The following DSG3 variants were observed in gnomAD, a reference collection of about 807,000 sequenced individuals.
DSG3 encodes desmoglein 3, also known as desmoglein-3.
Under a neutral mutation model 85.9 loss-of-function variants are expected in DSG3, and 63 were observed. That is an observed-to-expected ratio of 0.73 (90% CI 0.60 to 0.90). The LOEUF is 0.90. DSG3 is among the 40% of genes least tolerant of loss of function. DSG3 has a pLI of 0.00. For missense variants in DSG3, 1,220 were observed against 1,219.9 expected, an observed-to-expected ratio of 1.00 and a Z score of 0.00; for synonymous variants, 447 against 441.9, an observed-to-expected ratio of 1.01 and a Z score of -0.14.
intron 8 of DSG3, among the ~76,000 whole-genome samples, chr18:31,462,265 T>C (rs1443632923): frequency 6.6e-6 from 1 of 152,054 alleles, no homozygotes; most frequent in Non-Finnish European, 1.5e-5. Flanking sequence ...AGAAATAAGG[T>C]TTCACCATAT....
At position 31,477,993 on chromosome 18, in the gene DSG3, T is replaced by A. The variant is rs2072899728; in HGVS notation, c.*1733T>A. On this transcript the variant is annotated 3_prime_UTR_variant, in exon 16 of 16. Transcript: ENST00000257189. The stretch of plus-strand genomic sequence containing the variant: ...AGGGTGTGGTCCTGAAGGAAAGAGG[T>A]CCCCTAAATATCCCCCACCCTGGTG... 6.6e-6 allele frequency: 1 copy of A among 152,140 alleles called. No individual in the cohort carries two copies. The highest frequency in any genetic ancestry group is 6.6e-5 in the Admixed American group (1 of 15,254). The allele number at this position is 152,140 out of a possible 1,614,324, so 9.4% of individuals were successfully genotyped here.
intron 3 of DSG3, among the ~76,000 whole-genome samples, chr18:31,457,585 C>CTTCTTTCTTTCTTTCTTTCT (rs11369657): frequency 8.2e-5 from 5 of 61,184 alleles, no homozygotes; most frequent in African/African-American, 2.6e-4. Flanking sequence ...TTCTTTCTTT[C>CTTCTTTCTTTCTTTCTTTCT]TTCTTTCTTT....
chr18:31,448,029 G>A (rs1399192109), intron 1 of DSG3, 104 bp downstream of exon 1: 2 of 825,082 alleles, frequency 2.4e-6, no homozygotes, highest in African/African-American at 1.8e-5. Context: ...TCTAAAAGGA[G>A]TGCAGTGGAA....
chr18:31,448,473 T>A (rs571864902), intron 1 of DSG3, among the ~76,000 whole-genome samples: 23 of 152,232 alleles, frequency 1.5e-4, no homozygotes, highest in Non-Finnish European at 2.1e-4. Context: ...AAAGAAAATG[T>A]CAGCCTTTGG....
At chr18:31,457,208 C>A in intron 3 of DSG3, 84 bp downstream of exon 3, 1 of 1,404,300 alleles carries the variant, frequency 7.1e-7, no homozygotes, top group Non-Finnish European at 9.5e-7. Flanking sequence ...TTCCAAATAA[C>A]AAAATGAAGA....
chr18:31,464,093 A>C lies in DSG3; in HGVS notation c.1000-18A>C. 6.2e-7 allele frequency: 1 copy of C among 1,602,426 alleles called. No individual in the cohort carries two copies. Among genetic ancestry groups the C allele is most frequent in the Non-Finnish European group, 8.5e-7 (1 of 1,173,338 alleles). On this transcript the variant is annotated intron_variant, in intron 8 of 15. Coordinates refer to ENST00000257189, the MANE Select transcript of DSG3 (RefSeq NM_001944.3). ...TGTATTTTTGTGAAACTGCCTTCTAATTTTATTTTTTCTCCAGGCTCTAGA... is the reference window on the plus strand; with the variant it reads ...TGTATTTTTGTGAAACTGCCTTCTACTTTTATTTTTTCTCCAGGCTCTAGA...
intron 11 of DSG3, among the ~76,000 whole-genome samples, chr18:31,468,269 A>G (rs2072834122): frequency 6.6e-6 from 1 of 152,248 alleles, no homozygotes; most frequent in Non-Finnish European, 1.5e-5. Context: ...AACCAGGAAG[A>G]GCACTTGAGG....
rs1568093530 is a variant in DSG3 at position 31,477,614 on chromosome 18, G to GCTA, written c.*1356_*1358dup. 6.6e-6 allele frequency: 1 copy of GCTA among 152,186 alleles called. No individual in the cohort carries two copies. Among genetic ancestry groups the GCTA allele is most frequent in the Non-Finnish European group, 1.5e-5 (1 of 68,030 alleles). The allele number at this position is 152,186 out of a possible 1,614,324, so 9.4% of individuals were successfully genotyped here. A position where few individuals can be genotyped will look rare whatever the true frequency, so the allele number is the denominator to read the frequency against. On this transcript the variant is annotated 3_prime_UTR_variant, in exon 16 of 16. Coordinates refer to ENST00000257189, the MANE Select transcript of DSG3 (RefSeq NM_001944.3). ...TTAAGCCTTGCTTTTAAATTAAACA[G>GCTA]CTACAGCCATTTAAGCCTTGAGGAT...
intron 1 of DSG3, among the ~76,000 whole-genome samples, chr18:31,451,278 A>G (rs760303659): frequency 6.6e-6 from 1 of 152,236 alleles, no homozygotes; most frequent in Non-Finnish European, 1.5e-5. Flanking sequence ...CAACACTGCT[A>G]TGAGCATTTG....
At chr18:31,475,583 T>G in intron 15 of DSG3, 63 bp from the exon 16 acceptor site, 1 of 1,559,004 alleles carries the variant, frequency 6.4e-7, no homozygotes. Context: ...CTACAAACAG[T>G]ATTATATTGT....
intron 1 of DSG3, among the ~76,000 whole-genome samples, chr18:31,449,306 C>A (rs2072697126): frequency 6.6e-6 from 1 of 152,134 alleles, no homozygotes; most frequent in African/African-American, 2.4e-5. Flanking sequence ...ACTTTCCCAC[C>A]TTTCCAGATG....
chr18:31,464,783 T>C (rs114952455), intron 9 of DSG3, among the ~76,000 whole-genome samples: 2 of 152,312 alleles, frequency 1.3e-5, no homozygotes, highest in African/African-American at 4.8e-5. Flanking sequence ...AATTGCTATA[T>C]TATACAGAGC....
intron 8 of DSG3, 56 bp downstream of exon 8, chr18:31,461,468 CATTTCTACAGATAAAATGTATTT>C: frequency 5.1e-6 from 7 of 1,359,494 alleles, no homozygotes; most frequent in Non-Finnish European, 7.2e-6. Context: ...CCAAAATGAT[CATTTCTACAGATAAAATGTATTT>C]ATTTGTTAAT....
intron 1 of DSG3, among the ~76,000 whole-genome samples, chr18:31,449,406 G>A (rs1221734757): frequency 2.0e-5 from 3 of 152,140 alleles, no homozygotes; most frequent in Non-Finnish European, 4.4e-5. Flanking sequence ...CATGCAGCAT[G>A]GGCTGTCGGG....
At position 31,466,576 on chromosome 18, in the gene DSG3, C is replaced by T. The variant is rs1180392111; in HGVS notation, c.1458C>T (p.Pro486=). The change falls in exon 11 of 16, where the codon CCC becomes CCT. Residue 486 remains proline, a synonymous_variant. Transcript: ENST00000257189. ...CAGGCACGGTATATGTTAGAGTACCCGATTTCAATGACAATTGTCCAACAG... is the reference window on the plus strand; with the variant it reads ...CAGGCACGGTATATGTTAGAGTACCTGATTTCAATGACAATTGTCCAACAG... ...TSTGTVYVRV[P]DFNDNCPTAV... The T allele has an allele frequency of 5.0e-6, 8 of 1,614,050 alleles. No homozygotes were observed. Among genetic ancestry groups the T allele is most frequent in the South Asian group, 2.2e-5 (2 of 91,078 alleles).
Position 31,461,387 on chromosome 18 carries a change from A to G in DSG3, c.974A>G (p.Asn325Ser). 1 of 1,613,260 alleles carries G rather than the reference A, an allele frequency of 6.2e-7. No individual in the cohort carries two copies. Among genetic ancestry groups the G allele is most frequent in the Non-Finnish European group, 8.5e-7 (1 of 1,179,744 alleles). ...GAAATACAAACTGATCCTAGAACTA[A>G]TGAAGGCATCCTGAAAGTGGTGAAG... ...WFEIQTDPRT[N>S]EGILKVVKAL... The change falls in exon 8 of 16, where the codon AAT (asparagine) becomes AGT (serine). Residue 325 changes from asparagine to serine, a missense_variant. By Grantham distance (46) the Asn-to-Ser change is conservative. Transcript: ENST00000257189.
chr18:31,476,423 C>A lies in DSG3; in HGVS notation c.*163C>A. ...AAATTAAATGTTTGGGTTCATACCC[C>A]AAAAGCAATATGTTGTCACTCCTAA... On this transcript the variant is annotated 3_prime_UTR_variant, in exon 16 of 16. Coordinates refer to ENST00000257189, the MANE Select transcript of DSG3 (RefSeq NM_001944.3). 1 of 742,492 alleles carries A rather than the reference C, an allele frequency of 1.3e-6. No individual in the cohort carries two copies. Among genetic ancestry groups the A allele is most frequent in the Non-Finnish European group, 2.0e-6 (1 of 494,676 alleles). 46.0% of individuals were successfully genotyped at this position (742,492 alleles called of 1,614,324 possible). A position where few individuals can be genotyped will look rare whatever the true frequency, so the allele number is the denominator to read the frequency against.
At chr18:31,472,884 C>A in intron 14 of DSG3, 96 bp downstream of exon 14, 1 of 1,146,858 alleles carries the variant, frequency 8.7e-7, no homozygotes, top group Non-Finnish European at 1.3e-6. Flanking sequence ...TAATTTGCAT[C>A]TGTGTGCACA....
chr18:31,472,898 C>A, intron 14 of DSG3, 110 bp downstream of exon 14: 1 of 954,826 alleles, frequency 1.0e-6, no homozygotes, highest in Non-Finnish European at 1.6e-6. Flanking sequence ...GTGCACATGT[C>A]AGGAGCTGTT....
Sources: allele counts gnomAD v4.1 joint callset (sites outside exome capture counted in the v4.1 genomes callset), GRCh38; gene constraint gnomAD v4.1.1; transcripts MANE v1.5; gene names NCBI Gene and HGNC (gene_info 2026-07-23, HGNC 2026-07-21).